The following PCDH15 variants were observed in gnomAD, a reference collection of about 807,000 sequenced individuals.
The protein encoded by PCDH15 is protocadherin related 15.
A neutral mutation model predicts 178.5 loss-of-function variants in PCDH15; 129 were observed. The observed-to-expected ratio is 0.72, with a 90% confidence interval of 0.63 to 0.84. The LOEUF is 0.84. Among genes scored for constraint, PCDH15 ranks in the 40% least tolerant of loss-of-function variants. The pLI, the probability that PCDH15 is intolerant of heterozygous loss-of-function variation, is 0.00. For synonymous variants in PCDH15, 800 were observed against 732.0 expected, an observed-to-expected ratio of 1.09 and a Z score of -1.50; for missense variants, 2,230 against 2,099.9, an observed-to-expected ratio of 1.06 and a Z score of -1.21.
upstream of PCDH15, among the ~76,000 whole-genome samples, chr10:55,319,803 C>T (rs1026360964): frequency 6.6e-6 from 1 of 152,110 alleles, no homozygotes; most frequent in Non-Finnish European, 1.5e-5. Context: ...TGGCAGAACT[C>T]CAGATGGTGC....
At chr10:54,747,906 C>T (rs929537752) in intron 1 of PCDH15, among the ~76,000 whole-genome samples, 1 of 150,394 alleles carries the variant, frequency 6.6e-6, no homozygotes, top group African/African-American at 2.4e-5. Context: ...CCAGGGTTCA[C>T]GCCATTCTCC....
At chr10:54,262,839 T>C (rs906238973) in intron 8 of PCDH15, among the ~76,000 whole-genome samples, 3 of 151,918 alleles carry the variant, frequency 2.0e-5, no homozygotes, top group African/African-American at 7.3e-5. Flanking sequence ...AGCTCAACAA[T>C]GTGGGAGCAG....
chr10:53,921,604 G>A (rs1212163650), intron 25 of PCDH15, among the ~76,000 whole-genome samples: 1 of 152,158 alleles, frequency 6.6e-6, no homozygotes, highest in Non-Finnish European at 1.5e-5. Flanking sequence ...TCCTTGAACT[G>A]ACTGCCAGTT....
intron 2 of PCDH15, among the ~76,000 whole-genome samples, chr10:54,912,866 T>C (rs2131836305): frequency 6.6e-6 from 1 of 152,280 alleles, no homozygotes; most frequent in South Asian, 2.1e-4. Flanking sequence ...GGGTCTCAAA[T>C]GTAAATGAGG....
At chr10:55,225,782 T>C (rs990389415) in intron 1 of PCDH15, among the ~76,000 whole-genome samples, 1 of 152,032 alleles carries the variant, frequency 6.6e-6, no homozygotes, top group Admixed American at 6.5e-5. Flanking sequence ...TCCCACCTAG[T>C]GAACGTCTCC....
At chr10:54,734,782 T>C (rs949074997) in intron 1 of PCDH15, among the ~76,000 whole-genome samples, 5 of 151,940 alleles carry the variant, frequency 3.3e-5, no homozygotes, top group Non-Finnish European at 7.4e-5. Flanking sequence ...CAAATGGATA[T>C]CCTAACTGAA....
At chr10:54,902,401 C>T (rs900964735) in intron 2 of PCDH15, among the ~76,000 whole-genome samples, 1 of 152,062 alleles carries the variant, frequency 6.6e-6, no homozygotes, top group Non-Finnish European at 1.5e-5. Flanking sequence ...TTGTCATTCT[C>T]GTGATAATGA....
chr10:54,275,030 A>G (rs1396165906), intron 8 of PCDH15, among the ~76,000 whole-genome samples: 1 of 152,006 alleles, frequency 6.6e-6, no homozygotes, highest in Non-Finnish European at 1.5e-5. Context: ...CATGTGGATC[A>G]TAAAGAAAAT....
chr10:54,572,577 G>A (rs887419409), intron 2 of PCDH15, among the ~76,000 whole-genome samples: 2 of 152,020 alleles, frequency 1.3e-5, no homozygotes, highest in African/African-American at 2.4e-5. Context: ...TTGAGTGGAG[G>A]CAAATTCCTG....
At chr10:53,992,845 A>G (rs975656256) in intron 21 of PCDH15, among the ~76,000 whole-genome samples, 42 of 152,172 alleles carry the variant, frequency 2.8e-4, no homozygotes, top group Admixed American at 1.4e-3. Context: ...TAGTAGAGGG[A>G]AAAGTTCCTG....
intron 2 of PCDH15, among the ~76,000 whole-genome samples, chr10:54,899,560 G>C (rs1017431463): frequency 6.7e-6 from 1 of 149,446 alleles, no homozygotes; most frequent in African/African-American, 2.5e-5. Flanking sequence ...GCAAAGGTGC[G>C]ATCTTGGCTC....
At position 54,213,376 on chromosome 10, in the gene PCDH15, C is replaced by T. The variant is rs1296310621; in HGVS notation, c.1098+560G>A. 2.0e-5 allele frequency among the ~76,000 whole-genome samples: 3 copies of T among 151,830 alleles called. No individual in the cohort carries two copies. In the East Asian group the frequency reaches 5.8e-4, roughly 29 times the overall value. ...TACTATTAAACCAAAAGTGAAATGC[C>T]AAATAGATTAGCTTAGCTTTGAATT... On this transcript the variant is annotated intron_variant, in intron 10 of 37. Coordinates refer to ENST00000644397, the MANE Select transcript of PCDH15 (RefSeq NM_001384140.1).
intron 2 of PCDH15, among the ~76,000 whole-genome samples, chr10:54,626,808 C>T (rs1321809370): frequency 6.6e-6 from 1 of 152,150 alleles, no homozygotes; most frequent in Non-Finnish European, 1.5e-5. Context: ...CCACTGACAG[C>T]TTGCACAGTT....
chr10:54,483,244 T>G (rs112246947), intron 3 of PCDH15, among the ~76,000 whole-genome samples: 2,248 of 151,952 alleles, frequency 0.015, 63 homozygotes, highest in African/African-American at 0.052. Context: ...GGGGTCATAT[T>G]TGCAGGGTCT....
intron 2 of PCDH15, among the ~76,000 whole-genome samples, chr10:55,551,625 C>A (rs539073142): frequency 3.4e-4 from 51 of 151,768 alleles, no homozygotes; most frequent in African/African-American, 1.2e-3. Context: ...AACAAATTAA[C>A]CTCAATTTGT....
At chr10:54,516,336 T>C (rs1180994467) in intron 3 of PCDH15, among the ~76,000 whole-genome samples, 1 of 151,754 alleles carries the variant, frequency 6.6e-6, no homozygotes, top group African/African-American at 2.4e-5. Flanking sequence ...AATGTATAAC[T>C]AGAATAACAA....
At chr10:54,261,343 C>A (rs1425842686) in intron 8 of PCDH15, among the ~76,000 whole-genome samples, 1 of 151,460 alleles carries the variant, frequency 6.6e-6, no homozygotes, top group African/African-American at 2.4e-5. Flanking sequence ...TAGCATTTAC[C>A]AGAATGATTT....
chr10:55,526,730 G>T (rs1168200209), intron 2 of PCDH15, among the ~76,000 whole-genome samples: 3 of 152,034 alleles, frequency 2.0e-5, no homozygotes, highest in Non-Finnish European at 4.4e-5. Context: ...ATTAAAACTT[G>T]TCAGTAAATA....
chr10:54,514,143 G>T (rs959834073), intron 3 of PCDH15, among the ~76,000 whole-genome samples: 9 of 152,116 alleles, frequency 5.9e-5, no homozygotes, highest in Non-Finnish European at 2.9e-5. Context: ...TTTACATATT[G>T]TTAAAATGTT....
Sources: allele counts gnomAD v4.1 joint callset (sites outside exome capture counted in the v4.1 genomes callset), GRCh38; gene constraint gnomAD v4.1.1; transcripts MANE v1.5; gene names NCBI Gene and HGNC (gene_info 2026-07-23, HGNC 2026-07-21).